Variants in FMNL2 observed in about 807,000 individuals in gnomAD.
FMNL2 encodes formin like 2.
FMNL2 carries 51 observed loss-of-function variants against 130.2 expected under a neutral mutation model. That is an observed-to-expected ratio of 0.39 (90% CI 0.31 to 0.49). The LOEUF is 0.49. Ranked by LOEUF, FMNL2 falls within the 20% of genes least tolerant of loss-of-function variation. The pLI is 0.85. For missense variants in FMNL2, 977 were observed against 1,316.2 expected, an observed-to-expected ratio of 0.74 and a Z score of 3.99; for synonymous variants, 465 against 467.1, an observed-to-expected ratio of 1.00 and a Z score of 0.06.
chr2:152,647,824 C>G lies in FMNL2; in HGVS notation c.3198C>G (p.Ala1066=). The G allele has an allele frequency of 6.2e-7, 1 of 1,613,874 alleles. No individual in the cohort carries two copies. The highest frequency in any genetic ancestry group is 8.5e-7 in the Non-Finnish European group (1 of 1,179,850). ...TTAGAAACCAACCATACAGACGAGC[C>G]GATGCGGTGAGGAGAAGCGTCAGGC... is the stretch of plus-strand genomic sequence containing the variant. ...TDLRNQPYRR[A]DAVRRSVRRR... is the part of the protein sequence containing the mutation. Residue 1066 remains alanine (A), a synonymous_variant, in exon 26 of 26, where the codon GCC becomes GCG. Transcript: ENST00000288670.
At chr2:152,400,742 C>G (rs1685646510) in intron 1 of FMNL2, among the ~76,000 whole-genome samples, 1 of 152,194 alleles carries the variant, frequency 6.6e-6, no homozygotes, top group Admixed American at 6.5e-5. Flanking sequence ...AGTGGCACCC[C>G]TGGTCCCTGC....
At chr2:152,527,820 G>A (rs1693471511) in intron 2 of FMNL2, among the ~76,000 whole-genome samples, 1 of 152,046 alleles carries the variant, frequency 6.6e-6, no homozygotes, top group African/African-American at 2.4e-5. Context: ...TTGTTTTATG[G>A]TATGAAACAT....
intron 1 of FMNL2, among the ~76,000 whole-genome samples, chr2:152,424,418 T>A (rs1687076442): frequency 6.7e-6 from 1 of 149,946 alleles, no homozygotes; most frequent in Non-Finnish European, 1.5e-5. Flanking sequence ...TGAGATGTAG[T>A]CTCATTCTGT....
intron 1 of FMNL2, among the ~76,000 whole-genome samples, chr2:152,394,618 A>G (rs539842382): frequency 3.3e-5 from 5 of 151,306 alleles, no homozygotes; most frequent in Admixed American, 2.6e-4. Flanking sequence ...TGAAAAAAAA[A>G]TTTTGACTTT....
intron 2 of FMNL2, among the ~76,000 whole-genome samples, chr2:152,525,923 AT>A (rs888249114): frequency 5.9e-5 from 9 of 152,052 alleles, no homozygotes; most frequent in African/African-American, 9.7e-5. Context: ...TAAGAATATA[AT>A]TTTTTTTAAA....
intron 17 of FMNL2, among the ~76,000 whole-genome samples, chr2:152,626,976 T>A (rs1441243521): frequency 6.6e-6 from 1 of 152,190 alleles, no homozygotes; most frequent in Non-Finnish European, 1.5e-5. Context: ...CAGTAACTAA[T>A]TGTTTTAGAA....
intron 1 of FMNL2, among the ~76,000 whole-genome samples, chr2:152,381,304 T>G (rs539952278): frequency 3.8e-4 from 58 of 152,294 alleles, no homozygotes; most frequent in African/African-American, 1.2e-3. Context: ...CATGGCATAT[T>G]TCATACGTTT....
chr2:152,632,922 C>T (rs1477025444), intron 21 of FMNL2, among the ~76,000 whole-genome samples: 2 of 152,114 alleles, frequency 1.3e-5, no homozygotes, highest in Admixed American at 1.3e-4. Flanking sequence ...AATTCAGATT[C>T]CTGTGGGGTA....
chr2:152,583,691 G>A (rs1015425666), intron 9 of FMNL2, among the ~76,000 whole-genome samples: 6 of 152,188 alleles, frequency 3.9e-5, no homozygotes, highest in African/African-American at 2.4e-5. Flanking sequence ...GAGAAACCTG[G>A]ATCAAATCCA....
At chr2:152,558,991 T>G (rs916454540) in intron 5 of FMNL2, among the ~76,000 whole-genome samples, 168 bp downstream of exon 5, 1 of 151,964 alleles carries the variant, frequency 6.6e-6, no homozygotes, top group African/African-American at 2.4e-5. Flanking sequence ...CACATAATGG[T>G]ATTAGAAATG....
chr2:152,386,837 GGAA>G (rs1245430093), intron 1 of FMNL2, among the ~76,000 whole-genome samples: 2 of 152,082 alleles, frequency 1.3e-5, no homozygotes, highest in Non-Finnish European at 2.9e-5. Context: ...TAGCAATGCC[GGAA>G]GAAGTAGATT....
At chr2:152,596,500 C>T (rs375082077) in intron 9 of FMNL2, among the ~76,000 whole-genome samples, 1 of 152,160 alleles carries the variant, frequency 6.6e-6, no homozygotes, top group Non-Finnish European at 1.5e-5. Context: ...AGAGGCTATT[C>T]TGTAATCCAG....
chr2:152,622,910 A>T (rs1444170612), intron 15 of FMNL2, among the ~76,000 whole-genome samples: 1 of 147,526 alleles, frequency 6.8e-6, no homozygotes, highest in Admixed American at 6.8e-5. Flanking sequence ...CCCCTTTTCC[A>T]TTCCCTCCCT....
At chr2:152,610,671 C>A (rs146598733) in intron 10 of FMNL2, among the ~76,000 whole-genome samples, 2 of 152,326 alleles carry the variant, frequency 1.3e-5, no homozygotes, top group Non-Finnish European at 2.9e-5. Context: ...TTTGGATATA[C>A]CACATTTTGT....
At chr2:152,357,065 A>AAATATTACATC (rs745743770) in intron 1 of FMNL2, among the ~76,000 whole-genome samples, 2,896 of 144,024 alleles carry the variant, frequency 0.02, 712 homozygotes, top group Non-Finnish European at 0.029. Flanking sequence ...AATATTACAT[A>AAATATTACATC]AGTTTAATAT....
At chr2:152,589,834 T>C (rs1172189635) in intron 9 of FMNL2, among the ~76,000 whole-genome samples, 1 of 151,070 alleles carries the variant, frequency 6.6e-6, no homozygotes, top group African/African-American at 2.4e-5. Flanking sequence ...GCTTCCCTGC[T>C]CTTCTACTCC....
intron 10 of FMNL2, 142 bp from the exon 11 acceptor site, chr2:152,611,353 T>G: frequency 1.9e-6 from 1 of 536,702 alleles, no homozygotes; most frequent in South Asian, 2.5e-5. Flanking sequence ...AAAAACCATA[T>G]ATATATTTTT....
chr2:152,636,686 CCT>C (rs2105952112), intron 22 of FMNL2, 96 bp downstream of exon 22: 1 of 1,387,160 alleles, frequency 7.2e-7, no homozygotes, highest in Non-Finnish European at 9.6e-7. Context: ...GTTCCATTTC[CCT>C]CTGTTTGTGG....
chr2:152,480,998 T>TA (rs1690488287), intron 1 of FMNL2, among the ~76,000 whole-genome samples: 1 of 152,218 alleles, frequency 6.6e-6, no homozygotes, highest in African/African-American at 2.4e-5. Context: ...TTTTGCAAGA[T>TA]ATGTCTGTAT....
Sources: gnomAD v4.1 joint callset for allele counts (sites outside exome capture counted in the v4.1 genomes callset) on GRCh38, gnomAD v4.1.1 for gene constraint, MANE v1.5 for transcripts, NCBI Gene and HGNC (gene_info 2026-07-23, HGNC 2026-07-21) for gene names.